FAM162B: variants seen among roughly 807,000 people sequenced by gnomAD.
The protein encoded by FAM162B is family with sequence similarity 162 member B.
Under a neutral mutation model 20.0 loss-of-function variants are expected in FAM162B, and 16 were observed. That is an observed-to-expected ratio of 0.80 (90% CI 0.54 to 1.21). FAM162B has a LOEUF of 1.21. Among genes scored for constraint, FAM162B ranks in the 50% most tolerant of loss-of-function variants. The probability of loss-of-function intolerance (pLI) is 0.00; values close to 1 mark genes in which losing one functional copy is unlikely to be tolerated. For synonymous variants in FAM162B, 83 were observed against 89.7 expected (o/e 0.93, Z 0.42); for missense variants, 260 against 227.5 (o/e 1.14, Z -0.92).
chr6:116,752,742 G>GTA lies in FAM162B; in HGVS notation c.391-49_391-48dup, dbSNP rs1554259852. 9.6e-3 allele frequency: 3,620 copies of GTA among 379,046 alleles called. 1 individual carries two copies. The highest frequency in any genetic ancestry group is 0.012 in the South Asian group (160 of 13,006). The allele number at this position is 379,046 out of a possible 1,614,324, so 23.5% of individuals were successfully genotyped here. On this transcript the variant is annotated intron_variant, in intron 3 of 3. Coordinates refer to ENST00000368557, the MANE Select transcript of FAM162B (RefSeq NM_001085480.3). ...TATATATATATATATATAGATACACGTATATATATATATATACATATATGT... is the reference window on the plus strand; with the variant it reads ...TATATATATATATATATAGATACACGTATATATATATATATATACATATATGT...
intron 3 of FAM162B, among the ~76,000 whole-genome samples, chr6:116,758,329 G>C (rs763930191): frequency 2.2e-4 from 34 of 152,176 alleles, no homozygotes; most frequent in Non-Finnish European, 4.1e-4. Flanking sequence ...GAAATAGTTG[G>C]ATGGCTAGAC....
chr6:116,765,245 G>A lies in FAM162B; in HGVS notation c.183C>T (p.His61=). 6.2e-7 allele frequency: 1 copy of A among 1,613,708 alleles called. No homozygotes were observed. The highest frequency in any genetic ancestry group is 8.5e-7 in the Non-Finnish European group (1 of 1,179,910). ...AAGGCCTGCGCTGCGTGGGGACTCG[G>A]TGAATCTCCCCTGCAGCGAAAGCAA... ...NSGPQGHGEI[H]RVPTQRRPSQ... Residue 61 remains histidine, a synonymous_variant, in exon 2 of 4, where the codon CAC becomes CAT. Transcript: ENST00000368557.
At chr6:116,762,169 A>C (rs972072479) in intron 2 of FAM162B, 84 bp from the exon 3 acceptor site, 48 of 1,107,646 alleles carry the variant, frequency 4.3e-5, no homozygotes, top group Non-Finnish European at 5.6e-5. Context: ...CCATGTAAAC[A>C]TTCCAAAAAA....
chr6:116,756,157 C>T (rs1293925975), intron 3 of FAM162B, among the ~76,000 whole-genome samples: 2 of 152,070 alleles, frequency 1.3e-5, no homozygotes, highest in African/African-American at 4.8e-5. Context: ...AAATTGAAAA[C>T]CTTCTGGAAA....
At chr6:116,762,206 G>A in intron 2 of FAM162B, 121 bp from the exon 3 acceptor site, 1 of 694,216 alleles carries the variant, frequency 1.4e-6, no homozygotes, top group South Asian at 2.8e-5. Context: ...TGCATTTGGT[G>A]ACATTTTCAT....
At chr6:116,764,379 C>T (rs1462426114) in intron 2 of FAM162B, among the ~76,000 whole-genome samples, 1 of 152,144 alleles carries the variant, frequency 6.6e-6, no homozygotes, top group African/African-American at 2.4e-5. Flanking sequence ...TACCCAATCC[C>T]TTGTAAAAAT....
chr6:116,752,623 A>G lies in FAM162B; in HGVS notation c.463T>C (p.Leu155=), dbSNP rs754286893. The G allele has an allele frequency of 6.3e-6, 10 of 1,594,676 alleles. No homozygotes were observed. The South Asian group carries it at 7.9e-5, about 13-fold the overall frequency. ...CATTTAGCTTTAGCCTGTGCAGCCA[A>G]TGCAGCTTCTTCACGCCACTTAGCT... The part of the protein sequence containing the change: ...KKAKWREEAA[L]AAQAKAK Residue 155 remains leucine, a synonymous_variant, in exon 4 of 4, where the codon TTG becomes CTG. Coordinates refer to ENST00000368557, the MANE Select transcript of FAM162B (RefSeq NM_001085480.3).
chr6:116,765,508 C>T lies in FAM162B; in HGVS notation c.69G>A (p.Ala23=), dbSNP rs1297432312. The T allele has an allele frequency of 7.2e-7, 1 of 1,398,284 alleles. No homozygotes were observed. Among genetic ancestry groups the T allele is most frequent in the Non-Finnish European group, 9.2e-7 (1 of 1,083,262 alleles). 86.6% of individuals were successfully genotyped at this position (1,398,284 alleles called of 1,614,324 possible). Residue 23 remains alanine, a synonymous_variant, in exon 1 of 4, where the codon GCG becomes GCA. Transcript: ENST00000368557. The part of the protein sequence containing the change: ...RGLTVRCGPG[A]PLEATRRPAP... ...CGGGCCGTCGCGTGGCCTCGAGAGG[C>T]GCCCCGGGGCCGCAGCGGACTGTTA...
At chr6:116,763,170 GA>G (rs1193121936) in intron 2 of FAM162B, among the ~76,000 whole-genome samples, 1 of 152,140 alleles carries the variant, frequency 6.6e-6, no homozygotes, top group African/African-American at 2.4e-5. Flanking sequence ...TGAGTATGGA[GA>G]AATTATTAGA....
chr6:116,753,183 C>A (rs2114545779), intron 3 of FAM162B, among the ~76,000 whole-genome samples: 1 of 152,220 alleles, frequency 6.6e-6, no homozygotes, highest in Non-Finnish European at 1.5e-5. Flanking sequence ...CTTTTCACTT[C>A]TTTATTCCAT....
chr6:116,759,340 C>T (rs1439416233), intron 3 of FAM162B, among the ~76,000 whole-genome samples: 1 of 145,310 alleles, frequency 6.9e-6, no homozygotes, highest in Admixed American at 6.9e-5. Context: ...GAGTCTCTGT[C>T]GCCCAGGCTG....
chr6:116,760,976 TG>T (rs1474940388), intron 3 of FAM162B, among the ~76,000 whole-genome samples: 1 of 152,172 alleles, frequency 6.6e-6, no homozygotes, highest in Non-Finnish European at 1.5e-5. Context: ...ATGATACGTA[TG>T]CACTATTGAA....
At chr6:116,753,875 T>C (rs574634150) in intron 3 of FAM162B, among the ~76,000 whole-genome samples, 1 of 152,294 alleles carries the variant, frequency 6.6e-6, no homozygotes, top group South Asian at 2.1e-4. Context: ...AGAGTAAACT[T>C]GGAAGACGTG....
intron 3 of FAM162B, among the ~76,000 whole-genome samples, chr6:116,761,082 T>C (rs976121242): frequency 6.6e-6 from 1 of 152,192 alleles, no homozygotes; most frequent in Non-Finnish European, 1.5e-5. Flanking sequence ...AACTGGAGTG[T>C]ATTGAGAGGA....
intron 3 of FAM162B, among the ~76,000 whole-genome samples, chr6:116,758,720 T>A (rs1423038713): frequency 6.6e-6 from 1 of 152,162 alleles, no homozygotes; most frequent in Non-Finnish European, 1.5e-5. Context: ...AAATCTTATA[T>A]CCAACTGCAA....
chr6:116,754,685 T>TTTC (rs142743211), intron 3 of FAM162B, among the ~76,000 whole-genome samples: 2 of 151,570 alleles, frequency 1.3e-5, no homozygotes, highest in Non-Finnish European at 2.9e-5. Context: ...ACTTTCTTTC[T>TTTC]TTCTTCTTCT....
Position 116,758,411 on chromosome 6 carries a change from A to G in FAM162B, c.390+3566T>C, listed in dbSNP as rs76770356. On this transcript the variant is annotated intron_variant, in intron 3 of 3. Coordinates refer to ENST00000368557, the MANE Select transcript of FAM162B (RefSeq NM_001085480.3). ...TTCTGCCTTTTTGTATCTTTCACCC[A>G]TTTTTTAAAATAAAAGGTTGTTGCT... Among the ~76,000 whole-genome samples, 276 of 152,230 alleles carry G rather than the reference A, an allele frequency of 1.8e-3. 2 individuals carry two copies. Among genetic ancestry groups the G allele is most frequent in the African/African-American group, 6.2e-3 (258 of 41,544 alleles).
At position 116,765,623 on chromosome 6, in the gene FAM162B, C is replaced by CT; in HGVS notation, c.-48_-47insA. ...GCACCCGCACCTCCGGACCCAGCCA[C>CT]AGGCGTTGTCCCCGCAGCTCTCCTC... is the stretch of plus-strand genomic sequence containing the variant. On this transcript the variant is annotated 5_prime_UTR_variant, in exon 1 of 4. Transcript: ENST00000368557. 1 of 1,274,400 alleles carries CT rather than the reference C, an allele frequency of 7.8e-7. No homozygotes were observed. Among genetic ancestry groups the CT allele is most frequent in the Non-Finnish European group, 9.9e-7 (1 of 1,014,866 alleles). The allele number at this position is 1,274,400 out of a possible 1,614,324, so 78.9% of individuals were successfully genotyped here.
chr6:116,762,830 T>TGA (rs1771819303), intron 2 of FAM162B, among the ~76,000 whole-genome samples: 1 of 152,190 alleles, frequency 6.6e-6, no homozygotes, highest in Admixed American at 6.5e-5. Flanking sequence ...AAAGGCATCA[T>TGA]GCCTGTGGGA....
Sources: allele counts gnomAD v4.1 joint callset (sites outside exome capture counted in the v4.1 genomes callset), GRCh38; gene constraint gnomAD v4.1.1; transcripts MANE v1.5; gene names NCBI Gene and HGNC (gene_info 2026-07-23, HGNC 2026-07-21).